KCNN2: variants seen among roughly 807,000 people sequenced by gnomAD.
The protein encoded by KCNN2 is potassium calcium-activated channel subfamily N member 2.
KCNN2 carries 24 observed loss-of-function variants against 55.5 expected under a neutral mutation model. The observed-to-expected ratio is 0.43, with a 90% CI of 0.31 to 0.61. The LOEUF (loss-of-function observed/expected upper bound fraction) is 0.61, where lower values mean the gene tolerates loss of function less well. Ranked by LOEUF, KCNN2 falls within the 20% of genes least tolerant of loss-of-function variation. The pLI, the probability that KCNN2 is intolerant of heterozygous loss-of-function variation, is 0.08. For missense variants in KCNN2, 754 were observed against 853.6 expected (o/e 0.88, Z 1.45); for synonymous variants, 431 against 336.1 (o/e 1.28, Z -3.09).
chr5:114,079,509 C>T (rs1038431730), intron 1 of KCNN2, among the ~76,000 whole-genome samples: 4 of 152,150 alleles, frequency 2.6e-5, no homozygotes, highest in Non-Finnish European at 5.9e-5. Flanking sequence ...CTTTCTAGCT[C>T]TATGAGCCTT....
chr5:114,480,387 A>C (rs1357300227), intron 5 of KCNN2, among the ~76,000 whole-genome samples: 4 of 151,986 alleles, frequency 2.6e-5, no homozygotes, highest in Non-Finnish European at 5.9e-5. Context: ...CCAACCAAAA[A>C]CCCAGGAACA....
intron 1 of KCNN2, among the ~76,000 whole-genome samples, chr5:114,093,026 C>A (rs1350543214): frequency 1.3e-5 from 2 of 152,154 alleles, no homozygotes; most frequent in African/African-American, 4.8e-5. Flanking sequence ...TTGAATTTCT[C>A]CCTAGAAAAT....
upstream of KCNN2, among the ~76,000 whole-genome samples, chr5:114,360,107 G>A (rs1757375045): frequency 6.6e-6 from 1 of 152,138 alleles, no homozygotes; most frequent in African/African-American, 2.4e-5. Context: ...TCTTGACCAA[G>A]ACCATTGAGA....
At chr5:114,284,786 A>G (rs746434813) in intron 2 of KCNN2, among the ~76,000 whole-genome samples, 8 of 151,768 alleles carry the variant, frequency 5.3e-5, no homozygotes, top group Non-Finnish European at 1.0e-4. Context: ...CCAAAGTGCT[A>G]GGATTACAGG....
intron 1 of KCNN2, among the ~76,000 whole-genome samples, chr5:114,200,290 T>C (rs188091007): frequency 1.3e-5 from 2 of 152,264 alleles, no homozygotes; most frequent in East Asian, 3.9e-4. Flanking sequence ...GTCTAGTATA[T>C]TGTTGAAGCT....
chr5:114,071,944 C>T (rs1296071774), intron 1 of KCNN2, among the ~76,000 whole-genome samples: 1 of 152,144 alleles, frequency 6.6e-6, no homozygotes, highest in African/African-American at 2.4e-5. Context: ...AATGCTTGGA[C>T]TGATGTTATT....
rs1554083379 is a variant in KCNN2 at position 114,362,946 on chromosome 5, C to CGCT, written c.809_811dup (p.Ala270dup). 5.7e-6 allele frequency: 9 copies of CGCT among 1,588,158 alleles called. No homozygotes were observed. The highest frequency in any genetic ancestry group is 1.6e-4 in the Middle Eastern group (1 of 6,062). On this transcript the variant is annotated inframe_insertion, in exon 1 of 8. Transcript: ENST00000673685. ...CGTCTGCAGCCGCTGCCGCCGCCGC[C>CGCT]GCTGTTTCGTCCTCAGCCCCCGAGA...
chr5:114,315,478 A>T (rs998005278), intron 2 of KCNN2, among the ~76,000 whole-genome samples: 9 of 148,414 alleles, frequency 6.1e-5, no homozygotes, highest in Non-Finnish European at 9.0e-5. Flanking sequence ...TATATATATA[A>T]AACTTCTGTT....
At chr5:114,401,793 C>A (rs1758795806) in intron 2 of KCNN2, among the ~76,000 whole-genome samples, 1 of 152,186 alleles carries the variant, frequency 6.6e-6, no homozygotes. Flanking sequence ...GTTCTGGAAT[C>A]TCCAACTATA....
At chr5:114,321,278 A>G (rs1423464152) in intron 2 of KCNN2, among the ~76,000 whole-genome samples, 3 of 152,192 alleles carry the variant, frequency 2.0e-5, no homozygotes, top group African/African-American at 7.2e-5. Context: ...AATCTTCTCT[A>G]TATAAGGAGT....
chr5:114,214,495 C>T (rs1432137911), intron 1 of KCNN2, among the ~76,000 whole-genome samples: 1 of 152,062 alleles, frequency 6.6e-6, no homozygotes, highest in Non-Finnish European at 1.5e-5. Context: ...AAAGCATGGG[C>T]ATTTCAAAGC....
chr5:114,307,047 A>G (rs962490379), intron 2 of KCNN2, among the ~76,000 whole-genome samples: 1 of 152,166 alleles, frequency 6.6e-6, no homozygotes, highest in East Asian at 1.9e-4. Context: ...TTCCCCTAGT[A>G]TCAGTGTTAG....
At chr5:114,240,808 G>T (rs1314189669) in intron 2 of KCNN2, among the ~76,000 whole-genome samples, 1 of 152,052 alleles carries the variant, frequency 6.6e-6, no homozygotes. Context: ...GTATTTTGAA[G>T]ATTTTAGTTA....
At chr5:114,319,553 G>T (rs1185950061) in intron 2 of KCNN2, among the ~76,000 whole-genome samples, 1 of 152,066 alleles carries the variant, frequency 6.6e-6, no homozygotes, top group South Asian at 2.1e-4. Context: ...TTAAAGCTGA[G>T]GTGAGTTGCT....
At chr5:114,063,074 T>C (rs1201861861) in intron 1 of KCNN2, among the ~76,000 whole-genome samples, 1 of 152,192 alleles carries the variant, frequency 6.6e-6, no homozygotes, top group East Asian at 1.9e-4. Flanking sequence ...TGCTCACTTG[T>C]ATTGACAGTT....
chr5:114,386,813 G>T (rs1244091255), intron 2 of KCNN2, among the ~76,000 whole-genome samples: 1 of 152,214 alleles, frequency 6.6e-6, no homozygotes, highest in Non-Finnish European at 1.5e-5. Context: ...AATTCTGAGA[G>T]ATTTCAGTCT....
At chr5:114,390,854 A>G (rs912417954) in intron 2 of KCNN2, among the ~76,000 whole-genome samples, 1 of 152,214 alleles carries the variant, frequency 6.6e-6, no homozygotes, top group Non-Finnish European at 1.5e-5. Context: ...ACATAATTGC[A>G]TGATAATCTA....
chr5:114,444,679 T>C (rs1379401107), intron 3 of KCNN2, among the ~76,000 whole-genome samples: 2 of 152,174 alleles, frequency 1.3e-5, no homozygotes, highest in Non-Finnish European at 2.9e-5. Flanking sequence ...GGAAATACCA[T>C]CTTAACAGAC....
At chr5:114,257,863 G>C (rs1755014409) in intron 2 of KCNN2, among the ~76,000 whole-genome samples, 1 of 152,144 alleles carries the variant, frequency 6.6e-6, no homozygotes, top group Admixed American at 6.5e-5. Context: ...GCTCTGGCTA[G>C]AACTTCTAGT....
Sources: gnomAD v4.1 joint callset for allele counts (sites outside exome capture counted in the v4.1 genomes callset) on GRCh38, gnomAD v4.1.1 for gene constraint, MANE v1.5 for transcripts, NCBI Gene and HGNC (gene_info 2026-07-23, HGNC 2026-07-21) for gene names.